The following JAM2 variants were observed in gnomAD, a reference collection of about 807,000 sequenced individuals.
The protein encoded by JAM2 is junctional adhesion molecule 2, also known as junctional adhesion molecule B.
JAM2 carries 17 observed loss-of-function variants against 42.0 expected under a neutral mutation model. The ratio of observed to expected loss-of-function variants is 0.40; its 90% confidence interval spans 0.28 to 0.61. The LOEUF is 0.61. Ranked by LOEUF, JAM2 falls within the 20% of genes least tolerant of loss-of-function variation. JAM2 has a pLI of 0.37. For synonymous variants in JAM2, 118 were observed against 128.6 expected, an observed-to-expected ratio of 0.92 and a Z score of 0.56; for missense variants, 319 against 358.3, an observed-to-expected ratio of 0.89 and a Z score of 0.89.
chr21:25,649,711 G>A (rs181763339), intron 1 of JAM2, among the ~76,000 whole-genome samples: 1 of 152,270 alleles, frequency 6.6e-6, no homozygotes, highest in East Asian at 1.9e-4. Context: ...ATGAGCAAAA[G>A]TTTATTAAGA....
intron 8 of JAM2, 104 bp downstream of exon 8, chr21:25,709,553 G>T: frequency 1.4e-6 from 1 of 697,284 alleles, no homozygotes; most frequent in Non-Finnish European, 2.5e-6. Context: ...ATTTGTGTAG[G>T]TTTACTCTCA....
chr21:25,716,866 C>T lies in JAM2; in HGVS notation c.*2194C>T, dbSNP rs540375907. 1.1e-3 allele frequency: 175 copies of T among 152,332 alleles called. No homozygotes were observed. The highest frequency in any genetic ancestry group is 4.1e-3 in the African/African-American group (169 of 41,566). The allele number at this position is 152,332 out of a possible 1,614,324, so 9.4% of individuals were successfully genotyped here. A position where few individuals can be genotyped will look rare whatever the true frequency, so the allele number is the denominator to read the frequency against. ...TCTTTGGTTTGAGGAATGCTTTCCT[C>T]TTGCATTGGCATGCCAAGAGGATAG... On this transcript the variant is annotated 3_prime_UTR_variant, in exon 10 of 10. Coordinates refer to ENST00000480456, the MANE Select transcript of JAM2 (RefSeq NM_021219.4).
At chr21:25,708,225 G>A (rs1371838627) in intron 7 of JAM2, among the ~76,000 whole-genome samples, 3 of 152,064 alleles carry the variant, frequency 2.0e-5, no homozygotes, top group African/African-American at 7.2e-5. Flanking sequence ...TAGGTATTAT[G>A]TCTCATAAAA....
Position 25,688,587 on chromosome 21 carries a change from G to A in JAM2, c.134-1279G>A, listed in dbSNP as rs978971812. Among the ~76,000 whole-genome samples the A allele has an allele frequency of 8.5e-5, 13 of 152,132 alleles. 1 individual carries two copies. Among genetic ancestry groups the A allele is most frequent in the Admixed American group, 3.9e-4 (6 of 15,282 alleles). On this transcript the variant is annotated intron_variant, in intron 2 of 9. Coordinates refer to ENST00000480456, the MANE Select transcript of JAM2 (RefSeq NM_021219.4). The stretch of plus-strand genomic sequence containing the variant: ...ATTGTAAACATGTCTGTAAAATGAT[G>A]TCTCTTTGTAATGTAAAACCTGCTT...
chr21:25,696,438 C>T (rs571711968), intron 4 of JAM2, among the ~76,000 whole-genome samples: 1 of 152,098 alleles, frequency 6.6e-6, no homozygotes, highest in African/African-American at 2.4e-5. Flanking sequence ...GAGGGAGCCC[C>T]CTTCCTTTTT....
In JAM2 at chr21:25,689,965, C is replaced by T; in HGVS notation, c.233C>T (p.Thr78Ile). Residue 78 changes from threonine (T) to isoleucine (I), a missense_variant, in exon 3 of 10, where the codon ACT becomes ATT. By Grantham distance (89) the Thr-to-Ile change is moderately conservative. Coordinates refer to ENST00000480456, the MANE Select transcript of JAM2 (RefSeq NM_021219.4). ...RSVSFVYYQQ[T>I]LQGDFKNRAE... Reference sequence around the variant, plus strand: ...GTCTCCTTTGTCTACTATCAACAGACTCTTCAAGGTAAGCAGCTGTAGGCT... The same window carrying T: ...GTCTCCTTTGTCTACTATCAACAGATTCTTCAAGGTAAGCAGCTGTAGGCT... 1 of 1,598,994 alleles carries T rather than the reference C, an allele frequency of 6.3e-7. No individual in the cohort carries two copies. The highest frequency in any genetic ancestry group is 8.6e-7 in the Non-Finnish European group (1 of 1,166,486).
At chr21:25,658,878 T>C (rs1234067136) in intron 1 of JAM2, among the ~76,000 whole-genome samples, 1 of 152,192 alleles carries the variant, frequency 6.6e-6, no homozygotes, top group Non-Finnish European at 1.5e-5. Context: ...TTTTAGGACT[T>C]ATTCCAAGGC....
chr21:25,650,733 A>G (rs2032750717), intron 1 of JAM2, among the ~76,000 whole-genome samples: 1 of 152,202 alleles, frequency 6.6e-6, no homozygotes, highest in Admixed American at 6.5e-5. Flanking sequence ...AAGTGGTTAT[A>G]GCCCTATATT....
At chr21:25,651,358 A>G (rs1475313717) in intron 1 of JAM2, among the ~76,000 whole-genome samples, 1 of 152,204 alleles carries the variant, frequency 6.6e-6, no homozygotes, top group Admixed American at 6.5e-5. Context: ...TTTTCTCAGT[A>G]TAACTTAAAA....
intron 1 of JAM2, among the ~76,000 whole-genome samples, chr21:25,654,624 G>A (rs1048623183): frequency 1.4e-5 from 2 of 147,402 alleles, no homozygotes; most frequent in Non-Finnish European, 3.0e-5. Context: ...CTCTAGCCTG[G>A]GCAACAGAGT....
intron 7 of JAM2, among the ~76,000 whole-genome samples, chr21:25,707,790 C>G (rs2034301868): frequency 6.6e-6 from 1 of 152,122 alleles, no homozygotes; most frequent in Non-Finnish European, 1.5e-5. Context: ...ATAGCATATA[C>G]AAGTTCTAGA....
At chr21:25,660,545 G>T (rs2033052145) in intron 1 of JAM2, among the ~76,000 whole-genome samples, 1 of 151,636 alleles carries the variant, frequency 6.6e-6, no homozygotes, top group South Asian at 2.1e-4. Flanking sequence ...CTTGCTGTGT[G>T]CCAGACAGTC....
At chr21:25,670,407 C>T (rs965276662) in intron 1 of JAM2, among the ~76,000 whole-genome samples, 1 of 151,902 alleles carries the variant, frequency 6.6e-6, no homozygotes, top group African/African-American at 2.4e-5. Context: ...ATCGCTGGAG[C>T]CCCGGGAGAT....
In JAM2 at chr21:25,683,853, T is replaced by G. The variant is rs746924955; in HGVS notation, c.68-30T>G. On this transcript the variant is annotated intron_variant, in intron 1 of 9. Coordinates refer to ENST00000480456, the MANE Select transcript of JAM2 (RefSeq NM_021219.4). ...TTTGAAAATGAACTTTTGTATAATT[T>G]TAATTATCCTATCTGTTTTAATCTT... The G allele has an allele frequency of 3.3e-6, 5 of 1,499,746 alleles. No individual in the cohort carries two copies. In the South Asian group the frequency reaches 5.8e-5, roughly 17 times the overall value. 92.9% of individuals were successfully genotyped at this position (1,499,746 alleles called of 1,614,324 possible).
intron 5 of JAM2, 133 bp from the exon 6 acceptor site, chr21:25,702,037 G>T (rs909012938): frequency 2.1e-6 from 1 of 474,588 alleles, no homozygotes; most frequent in South Asian, 4.8e-5. Context: ...TAAATTCATA[G>T]TAAAGACAGA....
At chr21:25,678,566 G>A (rs1170033294) in intron 1 of JAM2, among the ~76,000 whole-genome samples, 1 of 152,156 alleles carries the variant, frequency 6.6e-6, no homozygotes, top group Non-Finnish European at 1.5e-5. Flanking sequence ...CTTTTGAAAT[G>A]ACTCCCTGGT....
intron 1 of JAM2, among the ~76,000 whole-genome samples, chr21:25,654,155 T>C (rs965071204): frequency 1.3e-5 from 2 of 152,178 alleles, no homozygotes; most frequent in African/African-American, 2.4e-5. Flanking sequence ...TTCTTCTTTA[T>C]AGAATTCAAG....
chr21:25,693,672 T>C, intron 3 of JAM2, 84 bp from the exon 4 acceptor site: 1 of 1,072,906 alleles, frequency 9.3e-7, no homozygotes. Context: ...ATGCTTTGGT[T>C]ACTAAATGAA....
rs758578599 is a variant in JAM2 at position 25,683,953 on chromosome 21, A to G, written c.133+5A>G. Reference sequence around the variant, plus strand: ...TCACAGCAGTAGAGTACCAAGGTACAGTATCTTACTGATTTTCACAGGCTG... The same window carrying G: ...TCACAGCAGTAGAGTACCAAGGTACGGTATCTTACTGATTTTCACAGGCTG... On this transcript the variant is annotated splice_donor_5th_base_variant and intron_variant, in intron 2 of 9. Transcript: ENST00000480456. 8.9e-6 allele frequency: 14 copies of G among 1,576,664 alleles called. No homozygotes were observed. The South Asian group carries it at 1.6e-4, about 18-fold the overall frequency.
Sources: allele counts gnomAD v4.1 joint callset (sites outside exome capture counted in the v4.1 genomes callset), GRCh38; gene constraint gnomAD v4.1.1; transcripts MANE v1.5; gene names NCBI Gene and HGNC (gene_info 2026-07-23, HGNC 2026-07-21).